CSMD1: variants seen among roughly 807,000 people sequenced by gnomAD.
The protein encoded by CSMD1 is CUB and sushi domain-containing protein 1.
A neutral mutation model predicts 417.5 loss-of-function variants in CSMD1; 213 were observed. The ratio of observed to expected loss-of-function variants is 0.51; its 90% confidence interval spans 0.46 to 0.57. The LOEUF (loss-of-function observed/expected upper bound fraction) is 0.57. CSMD1 is among the 20% of genes least tolerant of loss of function. The probability of loss-of-function intolerance (pLI) is 0.00; values close to 1 mark genes in which losing one functional copy is unlikely to be tolerated. For synonymous variants in CSMD1, 2,862 were observed against 1,736.8 expected (o/e 1.65, Z -16.11); for missense variants, 6,923 against 4,529.7 (o/e 1.53, Z -15.17).
chr8:4,704,750 G>A lies in CSMD1; in HGVS notation c.86-67192C>T, dbSNP rs191814293. Among the ~76,000 whole-genome samples the A allele has an allele frequency of 2.3e-3, 354 of 152,280 alleles. 2 individuals carry two copies. Among genetic ancestry groups the A allele is most frequent in the African/African-American group, 7.7e-3 (318 of 41,560 alleles). ...CTGTCCTTTCAAATGTTCTGGATAT[G>A]TGTGAGTTGTCGAGGCAGGAGAAAG... is the stretch of plus-strand genomic sequence containing the variant. On this transcript the variant is annotated intron_variant, in intron 1 of 69. Coordinates refer to ENST00000635120, the MANE Select transcript of CSMD1 (RefSeq NM_033225.6).
intron 3 of CSMD1, among the ~76,000 whole-genome samples, chr8:4,186,950 C>G (rs1157602103): frequency 6.6e-6 from 1 of 152,024 alleles, no homozygotes; most frequent in Non-Finnish European, 1.5e-5. Flanking sequence ...GAGCTGCACT[C>G]TAGCCTGGGT....
At chr8:4,522,714 C>T (rs1803530703) in intron 2 of CSMD1, among the ~76,000 whole-genome samples, 1 of 152,136 alleles carries the variant, frequency 6.6e-6, no homozygotes, top group African/African-American at 2.4e-5. Flanking sequence ...CCAAAGCAGG[C>T]CAACCCCTAC....
intron 1 of CSMD1, among the ~76,000 whole-genome samples, chr8:4,815,562 G>A (rs1320072374): frequency 6.6e-6 from 1 of 151,814 alleles, no homozygotes; most frequent in Non-Finnish European, 1.5e-5. Context: ...CAGGCATGGT[G>A]ACACATGCCT....
chr8:3,739,921 T>A (rs1371966963), intron 6 of CSMD1, among the ~76,000 whole-genome samples: 1 of 152,162 alleles, frequency 6.6e-6, no homozygotes, highest in Non-Finnish European at 1.5e-5. Flanking sequence ...AATGAGGATA[T>A]TTTCTCTAAA....
chr8:3,163,337 A>T (rs1464053102), intron 37 of CSMD1, among the ~76,000 whole-genome samples: 1 of 152,026 alleles, frequency 6.6e-6, no homozygotes, highest in Non-Finnish European at 1.5e-5. Context: ...AGAACTTATC[A>T]GATTACTTAA....
chr8:3,493,870 A>C lies in CSMD1; in HGVS notation c.1345-144T>G, dbSNP rs146083461. ...GATCCCAGAGCTGCTTTAAGTAGTT[A>C]CATGGATAATTATATATATTTGATA... On this transcript the variant is annotated intron_variant, in intron 10 of 69. Coordinates refer to ENST00000635120, the MANE Select transcript of CSMD1 (RefSeq NM_033225.6). 3.1e-5 allele frequency: 18 copies of C among 571,476 alleles called. No individual in the cohort carries two copies. The East Asian group carries it at 4.2e-4, about 13-fold the overall frequency. The allele number at this position is 571,476 out of a possible 1,614,324, so 35.4% of individuals were successfully genotyped here. A position where few individuals can be genotyped will look rare whatever the true frequency, so the allele number is the denominator to read the frequency against.
chr8:3,357,577 C>G (rs2117699066), intron 21 of CSMD1, among the ~76,000 whole-genome samples: 1 of 152,240 alleles, frequency 6.6e-6, no homozygotes, highest in South Asian at 2.1e-4. Context: ...GATAATGACT[C>G]TGGATGAAAT....
chr8:3,418,752 T>G (rs1363655410), intron 12 of CSMD1, among the ~76,000 whole-genome samples: 1 of 152,128 alleles, frequency 6.6e-6, no homozygotes, highest in Non-Finnish European at 1.5e-5. Flanking sequence ...TTGGTGATCA[T>G]GCAGACACAC....
At chr8:3,780,395 C>T (rs375357661) in intron 5 of CSMD1, among the ~76,000 whole-genome samples, 24 of 152,154 alleles carry the variant, frequency 1.6e-4, no homozygotes, top group African/African-American at 5.3e-4. Flanking sequence ...TTAATTATCG[C>T]CTTTTCAGCA....
At chr8:3,424,536 A>G (rs372418606) in intron 12 of CSMD1, among the ~76,000 whole-genome samples, 2 of 152,206 alleles carry the variant, frequency 1.3e-5, no homozygotes, top group African/African-American at 4.8e-5. Context: ...TTACTTGGCT[A>G]TTGTTCTTGT....
At chr8:4,277,530 A>G (rs1160194929) in intron 3 of CSMD1, among the ~76,000 whole-genome samples, 1 of 152,104 alleles carries the variant, frequency 6.6e-6, no homozygotes, top group Non-Finnish European at 1.5e-5. Context: ...TTTTATATCT[A>G]GAGAGTTTTC....
intron 8 of CSMD1, 137 bp from the exon 9 acceptor site, chr8:3,586,397 G>C (rs1181755577): frequency 2.5e-6 from 2 of 789,574 alleles, no homozygotes; most frequent in African/African-American, 3.5e-5. Context: ...AACTCATTAG[G>C]TAGTATGTAT....
chr8:4,876,046 A>G (rs7004168), intron 1 of CSMD1, among the ~76,000 whole-genome samples: 126,472 of 152,064 alleles, frequency 0.83, 53,634 homozygotes, highest in East Asian at 0.97. Flanking sequence ...AAACCTATCA[A>G]TTCAATTCTT....
At chr8:3,791,930 G>A (rs984136940) in intron 5 of CSMD1, among the ~76,000 whole-genome samples, 7 of 152,096 alleles carry the variant, frequency 4.6e-5, no homozygotes, top group East Asian at 1.9e-4. Context: ...CCTCAATAGC[G>A]TTTGCACCAA....
At chr8:3,228,456 G>A (rs576922185) in intron 27 of CSMD1, among the ~76,000 whole-genome samples, 1 of 152,112 alleles carries the variant, frequency 6.6e-6, no homozygotes, top group Admixed American at 6.6e-5. Context: ...GCATGTAGGC[G>A]GGTCTGGTTG....
intron 3 of CSMD1, among the ~76,000 whole-genome samples, chr8:4,081,322 G>A (rs1291989088): frequency 6.6e-6 from 1 of 152,136 alleles, no homozygotes; most frequent in Non-Finnish European, 1.5e-5. Flanking sequence ...CTCCCACGTT[G>A]AATAGGTTTG....
At chr8:4,386,923 G>A (rs1803491674) in intron 3 of CSMD1, among the ~76,000 whole-genome samples, 1 of 152,194 alleles carries the variant, frequency 6.6e-6, no homozygotes. Context: ...CTTCGAGGCA[G>A]ATAATACTAT....
intron 4 of CSMD1, among the ~76,000 whole-genome samples, chr8:4,015,855 C>T (rs191496538): frequency 1.3e-5 from 2 of 152,276 alleles, no homozygotes; most frequent in East Asian, 3.9e-4. Flanking sequence ...GGTTCGTATG[C>T]TGCCGTTTTC....
chr8:3,108,919 C>G (rs1198241743), intron 43 of CSMD1, among the ~76,000 whole-genome samples, 171 bp from the exon 44 acceptor site: 1 of 152,202 alleles, frequency 6.6e-6, no homozygotes. Flanking sequence ...AGTTGAGGAA[C>G]CCTCCAGTCT....
Sources: allele counts gnomAD v4.1 joint callset (sites outside exome capture counted in the v4.1 genomes callset), GRCh38; gene constraint gnomAD v4.1.1; transcripts MANE v1.5; gene names NCBI Gene and HGNC (gene_info 2026-07-23, HGNC 2026-07-21).